IKBKE: variants seen among roughly 807,000 people sequenced by gnomAD.
IKBKE encodes the protein inhibitor of nuclear factor kappa-B kinase subunit epsilon.
A neutral mutation model predicts 92.1 loss-of-function variants in IKBKE; 45 were observed. The observed-to-expected ratio is 0.49, with a 90% confidence interval of 0.38 to 0.63. The LOEUF (loss-of-function observed/expected upper bound fraction) is 0.63. Ranked by LOEUF, IKBKE falls within the 20% of genes least tolerant of loss-of-function variation. The probability of loss-of-function intolerance (pLI) is 0.00; values close to 1 mark genes in which losing one functional copy is unlikely to be tolerated. For synonymous variants in IKBKE, 374 were observed against 380.3 expected (o/e 0.98, Z 0.19); for missense variants, 700 against 932.8 (o/e 0.75, Z 3.25).
chr1:206,470,552 G>C lies in IKBKE; in HGVS notation c.-269G>C, dbSNP rs987192288. On this transcript the variant is annotated 5_prime_UTR_variant, in exon 1 of 22. Coordinates refer to ENST00000581977, the MANE Select transcript of IKBKE (RefSeq NM_014002.4). ...TAGTCCCAGCTCCTGGGGTGGCACA[G>C]ACATTGCAACTGGCCCTGCCTGTGG... 7 of 152,346 alleles carry C rather than the reference G, an allele frequency of 4.6e-5. No homozygotes were observed. Among genetic ancestry groups the C allele is most frequent in the Non-Finnish European group, 7.3e-5 (5 of 68,134 alleles). The allele number at this position is 152,346 out of a possible 1,614,324, so 9.4% of individuals were successfully genotyped here. A position where few individuals can be genotyped will look rare whatever the true frequency, so the allele number is the denominator to read the frequency against.
chr1:206,487,104 G>A lies in IKBKE; in HGVS notation c.1617-810G>A, dbSNP rs1454327176. On this transcript the variant is annotated intron_variant, in intron 15 of 21. Coordinates refer to ENST00000581977, the MANE Select transcript of IKBKE (RefSeq NM_014002.4). The surrounding 1 kb of genome is among the most constrained non-coding windows in gnomAD (Gnocchi z 5.3). ...GGGGCAGGCTCCTTCGGCTGGCAGA[G>A]CCCTGGAACAAGCCTGTGCTCTGTT... 2.0e-5 allele frequency among the ~76,000 whole-genome samples: 3 copies of A among 152,236 alleles called. No homozygotes were observed. Among genetic ancestry groups the A allele is most frequent in the Non-Finnish European group, 4.4e-5 (3 of 68,040 alleles).
chr1:206,490,641 ATCAGCTATTCCGGTGC>A lies in IKBKE; in HGVS notation c.1694-176_1694-161del, dbSNP rs1167797591. Among the ~76,000 whole-genome samples the A allele has an allele frequency of 6.6e-6, 1 of 152,132 alleles. No individual in the cohort carries two copies. The highest frequency in any genetic ancestry group is 1.5e-5 in the Non-Finnish European group (1 of 68,010). ...TTCTTGAGGCCCTGGCTTTGTCCTA[ATCAGCTATTCCGGTGC>A]TAGCTTCACTCCTCTGCCCCTCCTG... On this transcript the variant is annotated intron_variant, in intron 16 of 21. Coordinates refer to ENST00000581977, the MANE Select transcript of IKBKE (RefSeq NM_014002.4). The surrounding 1 kb of genome is among the most constrained non-coding windows in gnomAD (Gnocchi z 5.2).
intron 17 of IKBKE, chr1:206,491,156 C>A: frequency 2.0e-6 from 1 of 488,498 alleles, no homozygotes; most frequent in South Asian, 2.4e-5. Context: ...CCACTTCCTG[C>A]TTCTGCCCTC....
In IKBKE at chr1:206,476,609, G is replaced by A. The variant is rs11117909; in HGVS notation, c.541-69G>A. ...GTTTTCACCTGCAGGCGGTGAAAGG[G>A]GGTCTGACAGGTCTCAGGCCCTTGC... On this transcript the variant is annotated intron_variant, in intron 6 of 21. Coordinates refer to ENST00000581977, the MANE Select transcript of IKBKE (RefSeq NM_014002.4). This position sits in a 1 kb window ranked among gnomAD's most constrained non-coding sequence, Gnocchi z 5.1. The A allele has an allele frequency of 0.14, 226,758 of 1,568,682 alleles. 25,647 individuals carry two copies. Among genetic ancestry groups the A allele is most frequent in the African/African-American group, 0.6 (44,523 of 73,980 alleles).
intron 16 of IKBKE, 123 bp downstream of exon 16, chr1:206,488,113 C>T: frequency 1.4e-6 from 1 of 720,754 alleles, no homozygotes; most frequent in Non-Finnish European, 2.4e-6. Flanking sequence ...TAACCTCCAG[C>T]TGGTGGTTCT....
intron 7 of IKBKE, 28 bp from the exon 8 acceptor site, chr1:206,477,721 C>A: frequency 7.2e-7 from 1 of 1,380,718 alleles, no homozygotes; most frequent in Non-Finnish European, 1.0e-6. Flanking sequence ...AGCTGGGGAT[C>A]CCGCTGACCT....
At chr1:206,473,665 A>G (rs1553384380) in intron 3 of IKBKE, among the ~76,000 whole-genome samples, 1 of 152,174 alleles carries the variant, frequency 6.6e-6, no homozygotes, top group Admixed American at 6.5e-5. Flanking sequence ...ACTCTGTCTT[A>G]TTCAAGAGTG....
In IKBKE at chr1:206,490,064, C is replaced by T. The variant is rs562982381; in HGVS notation, c.1694-755C>T. 3.6e-4 allele frequency among the ~76,000 whole-genome samples: 55 copies of T among 152,300 alleles called. 2 individuals carry two copies. In the South Asian group the frequency reaches 0.011, roughly 31 times the overall value. ...GAAATCACTCGCCTAGTGCCGCCTG[C>T]CAACAGGAGGAAGGGCTGAGGTTTG... On this transcript the variant is annotated intron_variant, in intron 16 of 21. Transcript: ENST00000581977. This position sits in a 1 kb window ranked among gnomAD's most constrained non-coding sequence, Gnocchi z 5.2.
In IKBKE at chr1:206,478,794, T is replaced by C; in HGVS notation, c.993-149T>C. 1 of 698,630 alleles carries C rather than the reference T, an allele frequency of 1.4e-6. No homozygotes were observed. The highest frequency in any genetic ancestry group is 1.6e-5 in the South Asian group (1 of 61,280). 43.3% of individuals were successfully genotyped at this position (698,630 alleles called of 1,614,324 possible). A position where few individuals can be genotyped will look rare whatever the true frequency, so the allele number is the denominator to read the frequency against. On this transcript the variant is annotated intron_variant, in intron 9 of 21. Transcript: ENST00000581977. The surrounding 1 kb of genome is among the most constrained non-coding windows in gnomAD (Gnocchi z 4.8). Reference sequence around the variant, plus strand: ...ACTCTCCCCTTGGTCTCTCCACCCTTGATGACAGAGAAAACCACCCCCGTC... The same window carrying C: ...ACTCTCCCCTTGGTCTCTCCACCCTCGATGACAGAGAAAACCACCCCCGTC...
At chr1:206,482,798 TG>T (rs1665475317) in intron 13 of IKBKE, among the ~76,000 whole-genome samples, 1 of 152,270 alleles carries the variant, frequency 6.6e-6, no homozygotes, top group East Asian at 1.9e-4. Flanking sequence ...AGCCCATTCT[TG>T]CCTGAACATC....
chr1:206,479,850 G>T lies in IKBKE; in HGVS notation c.1184-20G>T. ...CAGCACCATACAGGCAGGCCCCTCA[G>T]ACAGGGTCTTTGTCTGCAGCTGCTC... is the stretch of plus-strand genomic sequence containing the variant. On this transcript the variant is annotated intron_variant, in intron 10 of 21. Coordinates refer to ENST00000581977, the MANE Select transcript of IKBKE (RefSeq NM_014002.4). The T allele has an allele frequency of 1.9e-6, 3 of 1,613,498 alleles. No individual in the cohort carries two copies. The highest frequency in any genetic ancestry group is 1.7e-6 in the Non-Finnish European group (2 of 1,179,812).
At chr1:206,474,287 T>G (rs1664935167) in intron 3 of IKBKE, 44 bp from the exon 4 acceptor site, 2 of 1,581,678 alleles carry the variant, frequency 1.3e-6, no homozygotes, top group Non-Finnish European at 1.7e-6. Flanking sequence ...GTGGGACATG[T>G]GCTAATCCCA....
chr1:206,485,238 C>T lies in IKBKE; in HGVS notation c.1548C>T (p.Thr516=), dbSNP rs782736754. Residue 516 remains threonine, a synonymous_variant, in exon 15 of 22, where the codon ACC becomes ACT. Coordinates refer to ENST00000581977, the MANE Select transcript of IKBKE (RefSeq NM_014002.4). The surrounding 1 kb of genome is among the most constrained non-coding windows in gnomAD (Gnocchi z 5.0). ...GATGCTCCCAAAATATCACGGAGAC[C>T]CAGGAGAGCCTGAGCAGCCTGAACC... The part of the protein sequence containing the change: ...LSRCSQNITE[T]QESLSSLNRE... 1.2e-6 allele frequency: 2 copies of T among 1,614,014 alleles called. No homozygotes were observed. Among genetic ancestry groups the T allele is most frequent in the Non-Finnish European group, 1.7e-6 (2 of 1,179,886 alleles).
In IKBKE at chr1:206,493,316, T is replaced by C. The variant is rs782735858; in HGVS notation, c.1983T>C (p.Ala661=). 1 of 1,614,036 alleles carries C rather than the reference T, an allele frequency of 6.2e-7. No individual in the cohort carries two copies. The highest frequency in any genetic ancestry group is 1.6e-4 in the Middle Eastern group (1 of 6,062). ...HQLLQDRAKG[A]QASPPPIAPY... is the part of the protein sequence containing the mutation. ...TCCTTCAGGACCGAGCAAAGGGGGC[T>C]CAGGCCTCGCCGCCTCCCATAGCTC... The change falls in exon 20 of 22, where the codon GCT becomes GCC. Residue 661 remains alanine (A), a synonymous_variant. Transcript: ENST00000581977.
intron 18 of IKBKE, 43 bp from the exon 19 acceptor site, chr1:206,492,980 C>T (rs868979446): frequency 6.6e-7 from 1 of 1,521,102 alleles, no homozygotes; most frequent in Middle Eastern, 1.7e-4. Context: ...GGGGAATGGG[C>T]TGAGTCCTGC....
At position 206,479,026 on chromosome 1, in the gene IKBKE, G is replaced by C. The variant is rs782349260; in HGVS notation, c.1076G>C (p.Cys359Ser). Residue 359 changes from cysteine to serine, a missense_variant, in exon 10 of 22, where the codon TGT (cysteine) becomes TCT (serine). Coordinates refer to ENST00000581977, the MANE Select transcript of IKBKE (RefSeq NM_014002.4). ...HQEYLFEGHL[C>S]VLEPSVSAQH... ...GAGTACCTCTTTGAGGGTCACCTCTGTGTCCTCGAGCCCAGCGTCTCAGCA... is the reference window on the plus strand; with the variant it reads ...GAGTACCTCTTTGAGGGTCACCTCTCTGTCCTCGAGCCCAGCGTCTCAGCA... 11 of 1,614,004 alleles carry C rather than the reference G, an allele frequency of 6.8e-6. No homozygotes were observed. The highest frequency in any genetic ancestry group is 8.5e-6 in the Non-Finnish European group (10 of 1,180,028).
intron 13 of IKBKE, among the ~76,000 whole-genome samples, chr1:206,483,920 G>A (rs1443633674): frequency 6.6e-6 from 1 of 151,794 alleles, no homozygotes; most frequent in Non-Finnish European, 1.5e-5. Flanking sequence ...TGTAAACTGG[G>A]AAGTTTTAAA....
At chr1:206,484,893 G>A in intron 13 of IKBKE, 104 bp from the exon 14 acceptor site, 1 of 919,258 alleles carries the variant, frequency 1.1e-6, no homozygotes, top group South Asian at 1.4e-5. Flanking sequence ...CACCAAGGCT[G>A]TCCCACAGAT....
In IKBKE at chr1:206,474,358, G is replaced by A; in HGVS notation, c.115G>A (p.Val39Ile). Residue 39 changes from valine (V) to isoleucine (I), a missense_variant, in exon 4 of 22, where the codon GTC becomes ATC. Coordinates refer to ENST00000581977, the MANE Select transcript of IKBKE (RefSeq NM_014002.4). ...ATCCGGAGAGCTGGTTGCTGTGAAGGTCTTCAACACTACCAGCTACCTGCG... is the reference window on the plus strand; with the variant it reads ...ATCCGGAGAGCTGGTTGCTGTGAAGATCTTCAACACTACCAGCTACCTGCG... The part of the protein sequence containing the change: ...KKSGELVAVK[V>I]FNTTSYLRPR... The A allele has an allele frequency of 2.5e-6, 4 of 1,614,024 alleles. No individual in the cohort carries two copies. The highest frequency in any genetic ancestry group is 1.7e-6 in the Non-Finnish European group (2 of 1,179,902).
Sources: allele counts gnomAD v4.1 joint callset (sites outside exome capture counted in the v4.1 genomes callset), GRCh38; gene constraint gnomAD v4.1.1; non-coding constraint Gnocchi (gnomAD v3.1); transcripts MANE v1.5; gene names NCBI Gene and HGNC (gene_info 2026-07-23, HGNC 2026-07-21).